Variants in ANKEF1 observed in about 807,000 individuals in gnomAD.
ANKEF1 encodes ankyrin repeat and EF-hand domain-containing protein 1.
Under a neutral mutation model 65.1 loss-of-function variants are expected in ANKEF1, and 43 were observed. The observed-to-expected ratio is 0.66, with a 90% CI of 0.52 to 0.85. The LOEUF is 0.85. Among genes scored for constraint, ANKEF1 ranks in the 40% least tolerant of loss-of-function variants. ANKEF1 has a pLI of 0.00. For synonymous variants in ANKEF1, 316 were observed against 341.5 expected (o/e 0.93, Z 0.82); for missense variants, 934 against 952.9 (o/e 0.98, Z 0.26).
At position 10,056,799 on chromosome 20, in the gene ANKEF1, G is replaced by A. The variant is rs898151408; in HGVS notation, c.*1139G>A. On this transcript the variant is annotated 3_prime_UTR_variant, in exon 11 of 11. Transcript: ENST00000378392. Reference sequence around the variant, plus strand: ...TGAAAATTTCAACTGTTGTTAAAGCGACTGATGGGATCAGTTTCACCTAGA... The same window carrying A: ...TGAAAATTTCAACTGTTGTTAAAGCAACTGATGGGATCAGTTTCACCTAGA... 3.3e-5 allele frequency: 5 copies of A among 152,092 alleles called. No individual in the cohort carries two copies. Among genetic ancestry groups the A allele is most frequent in the Non-Finnish European group, 5.9e-5 (4 of 68,014 alleles). The allele number at this position is 152,092 out of a possible 1,614,324, so 9.4% of individuals were successfully genotyped here.
intron 6 of ANKEF1, among the ~76,000 whole-genome samples, chr20:10,047,596 A>G (rs1185516431): frequency 6.6e-6 from 1 of 152,106 alleles, no homozygotes; most frequent in Non-Finnish European, 1.5e-5. Flanking sequence ...TGCTGGAGCA[A>G]TTGGCAACTC....
Position 10,056,497 on chromosome 20 carries a change from G to GATAGATAGATA in ANKEF1, c.*838_*848dup, listed in dbSNP as rs1985170014. 3.7e-4 allele frequency: 1 copy of GATAGATAGATA among 2,726 alleles called. No individual in the cohort carries two copies. Among genetic ancestry groups the GATAGATAGATA allele is most frequent in the African/African-American group, 1.4e-3 (1 of 700 alleles). The allele number at this position is 2,726 out of a possible 1,614,324, so 0.2% of individuals were successfully genotyped here. A position where few individuals can be genotyped will look rare whatever the true frequency, so the allele number is the denominator to read the frequency against. ...ATAGATGATAGATAGATAGATAGATGATAGATAGATAGATAGATAGATAGA... is the reference window on the plus strand; with the variant it reads ...ATAGATGATAGATAGATAGATAGATGATAGATAGATAATAGATAGATAGATAGATAGATAGA... On this transcript the variant is annotated 3_prime_UTR_variant, in exon 11 of 11. Coordinates refer to ENST00000378392, the MANE Select transcript of ANKEF1 (RefSeq NM_022096.6).
rs1439590386 is a variant in ANKEF1 at position 10,044,561 on chromosome 20, G to C, written c.696+18G>C. On this transcript the variant is annotated intron_variant, in intron 5 of 10. Transcript: ENST00000378392. ...TTTTCGATGTAATAATCTATTCTTTGCTTTAAAATTTGTTGCTAAAACTTT... is the reference window on the plus strand; with the variant it reads ...TTTTCGATGTAATAATCTATTCTTTCCTTTAAAATTTGTTGCTAAAACTTT... 1.2e-6 allele frequency: 2 copies of C among 1,609,020 alleles called. No homozygotes were observed. Among genetic ancestry groups the C allele is most frequent in the African/African-American group, 1.3e-5 (1 of 74,500 alleles).
At chr20:10,039,718 A>T (rs1464547752) in intron 3 of ANKEF1, among the ~76,000 whole-genome samples, 2 of 152,184 alleles carry the variant, frequency 1.3e-5, no homozygotes, top group Non-Finnish European at 2.9e-5. Flanking sequence ...AATTGCCAGG[A>T]TGTTGAGAAG....
chr20:10,045,667 G>A lies in ANKEF1; in HGVS notation c.790G>A (p.Ala264Thr). The change falls in exon 6 of 11, where the codon GCA (alanine) becomes ACA (threonine). Residue 264 changes from alanine to threonine, a missense_variant. Ala to Thr is a moderately conservative substitution (Grantham distance 58). Transcript: ENST00000378392. The part of the protein sequence containing the change: ...PLHYAAMGGF[A>T]DCCKYIAQRG... ...TCATTATGCTGCCATGGGTGGTTTTGCAGACTGCTGTAAATATATAGCTCA... is the reference window on the plus strand; with the variant it reads ...TCATTATGCTGCCATGGGTGGTTTTACAGACTGCTGTAAATATATAGCTCA... 6.2e-7 allele frequency: 1 copy of A among 1,613,692 alleles called. No homozygotes were observed. Among genetic ancestry groups the A allele is most frequent in the Non-Finnish European group, 8.5e-7 (1 of 1,179,754 alleles).
At position 10,054,594 on chromosome 20, in the gene ANKEF1, C is replaced by A. The variant is rs138316568; in HGVS notation, c.2167C>A (p.Arg723=). ...GAAAGTGGATATCACATTTATTCCACGGAGGGTAAGTGCTTCGAAAAGATC... is the reference window on the plus strand; with the variant it reads ...GAAAGTGGATATCACATTTATTCCAAGGAGGGTAAGTGCTTCGAAAAGATC... ...TKKVDITFIP[R]RIWSPEATTA... The change falls in exon 10 of 11, where the codon CGG becomes AGG. Residue 723 remains arginine (R), a synonymous_variant. Transcript: ENST00000378392. 20 of 1,605,634 alleles carry A rather than the reference C, an allele frequency of 1.2e-5. No individual in the cohort carries two copies. In the African/African-American group the frequency reaches 2.7e-4, roughly 22 times the overall value.
At position 10,055,517 on chromosome 20, in the gene ANKEF1, G is replaced by A; in HGVS notation, c.2188G>A (p.Ala730Thr). Reference protein sequence around the residue: ...FIPRRIWSPEATTAELIRKRE... With the variant: ...FIPRRIWSPETTTAELIRKRE... ...TCTTTTTAAGATTTGGAGTCCTGAA[G>A]CCACAACAGCAGAGCTGATCAGGAA... is the stretch of plus-strand genomic sequence containing the variant. Residue 730 changes from alanine to threonine, a missense_variant, in exon 11 of 11, where the codon GCC becomes ACC. Ala to Thr is a moderately conservative substitution (Grantham distance 58). Transcript: ENST00000378392. 1 of 1,613,604 alleles carries A rather than the reference G, an allele frequency of 6.2e-7. No homozygotes were observed. The highest frequency in any genetic ancestry group is 1.1e-5 in the South Asian group (1 of 91,052).
In ANKEF1 at chr20:10,055,776, G is replaced by T. The variant is rs183814726; in HGVS notation, c.*116G>T. The T allele has an allele frequency of 2.1e-4, 224 of 1,061,592 alleles. No homozygotes were observed. Among genetic ancestry groups the T allele is most frequent in the Non-Finnish European group, 2.7e-4 (199 of 728,846 alleles). 65.8% of individuals were successfully genotyped at this position (1,061,592 alleles called of 1,614,324 possible). On this transcript the variant is annotated 3_prime_UTR_variant, in exon 11 of 11. Transcript: ENST00000378392. Reference sequence around the variant, plus strand: ...CCATACACCAAGAACTTGTTACCAAGAATTTCTTTTTGCTTTAACAACTAT... The same window carrying T: ...CCATACACCAAGAACTTGTTACCAATAATTTCTTTTTGCTTTAACAACTAT...
At chr20:10,043,473 A>G in intron 4 of ANKEF1, 152 bp downstream of exon 4, 3 of 712,768 alleles carry the variant, frequency 4.2e-6, no homozygotes, top group Non-Finnish European at 4.6e-6. Flanking sequence ...TATTATCTTC[A>G]TATTGCTGTG....
intron 3 of ANKEF1, 64 bp downstream of exon 3, chr20:10,038,711 T>A (rs1432876478): frequency 7.8e-7 from 1 of 1,288,436 alleles, no homozygotes; most frequent in Non-Finnish European, 1.1e-6. Context: ...AGCAATAACA[T>A]GGACTCTTTT....
At chr20:10,046,619 A>C (rs1469659201) in intron 6 of ANKEF1, among the ~76,000 whole-genome samples, 1 of 152,116 alleles carries the variant, frequency 6.6e-6, no homozygotes, top group Non-Finnish European at 1.5e-5. Context: ...ATTTTTTGTT[A>C]ATTACATGCT....
At chr20:10,044,606 T>G in intron 5 of ANKEF1, 63 bp downstream of exon 5, 8 of 1,585,560 alleles carry the variant, frequency 5.0e-6, no homozygotes, top group Non-Finnish European at 6.9e-6. Flanking sequence ...TTTCTCAAAT[T>G]TTTTTATATG....
rs570912279 is a variant in ANKEF1, at chr20:10,056,005, A to G, written c.*345A>G. 1.7e-5 allele frequency: 3 copies of G among 181,650 alleles called. No homozygotes were observed. In the South Asian group the frequency reaches 3.6e-4, roughly 22 times the overall value. The allele number at this position is 181,650 out of a possible 1,614,324, so 11.3% of individuals were successfully genotyped here. Reference sequence around the variant, plus strand: ...TATCCTTTTTATTTATTAAATAGAGACAGAGTCTCACTATATTGCCCCAGC... The same window carrying G: ...TATCCTTTTTATTTATTAAATAGAGGCAGAGTCTCACTATATTGCCCCAGC... On this transcript the variant is annotated 3_prime_UTR_variant, in exon 11 of 11. Transcript: ENST00000378392.
rs374135080 is a variant in ANKEF1 at position 10,043,652 on chromosome 20, CTTTTTTTTTTTTTT to C, written c.546+341_546+354del. On this transcript the variant is annotated intron_variant, in intron 4 of 10. Coordinates refer to ENST00000378392, the MANE Select transcript of ANKEF1 (RefSeq NM_022096.6). ...TGCTGTTTCTTTTCTTTTTCTTTTC[CTTTTTTTTTTTTTT>C]TTTTTTTTTGGAGACAGCGTCTCAC... 3.2e-3 allele frequency among the ~76,000 whole-genome samples: 258 copies of C among 81,406 alleles called. 1 individual carries two copies. The highest frequency in any genetic ancestry group is 4.2e-3 in the Non-Finnish European group (188 of 44,734). 53.4% of individuals were successfully genotyped at this position (81,406 alleles called of 152,430 possible).
chr20:10,039,132 C>T (rs929281935), intron 3 of ANKEF1, among the ~76,000 whole-genome samples: 1 of 152,178 alleles, frequency 6.6e-6, no homozygotes, highest in African/African-American at 2.4e-5. Flanking sequence ...CTGGCATAAA[C>T]TCCAACTTTC....
At chr20:10,040,566 T>G (rs1984125135) in intron 3 of ANKEF1, 1 of 152,228 alleles carries the variant, frequency 6.6e-6, no homozygotes, top group Non-Finnish European at 1.5e-5. Context: ...CCTTAAAAGT[T>G]AAGCTATAAT....
rs778933391 is a variant in ANKEF1 at position 10,049,469 on chromosome 20, C to G, written c.900C>G (p.Ser300Arg). 72 of 1,613,988 alleles carry G rather than the reference C, an allele frequency of 4.5e-5. No homozygotes were observed. Among genetic ancestry groups the G allele is most frequent in the Non-Finnish European group, 6.0e-5 (71 of 1,180,000 alleles). Residue 300 changes from serine to arginine, a missense_variant, in exon 7 of 11, where the codon AGC (serine) becomes AGG (arginine). Transcript: ENST00000378392. ...VAKEGGFKAA[S>R]KEIRRAERIA... ...AGGAAGGCGGCTTCAAAGCAGCAAG[C>G]AAAGAAATACGCCGAGCAGAGAGAA...
Position 10,038,257 on chromosome 20 carries a change from G to T in ANKEF1, c.-44-1G>T. 7.8e-7 allele frequency: 1 copy of T among 1,285,358 alleles called. No individual in the cohort carries two copies. The highest frequency in any genetic ancestry group is 1.0e-6 in the Non-Finnish European group (1 of 968,612). The allele number at this position is 1,285,358 out of a possible 1,614,324, so 79.6% of individuals were successfully genotyped here. On this transcript the variant is annotated splice_acceptor_variant, in intron 2 of 10. Transcript: ENST00000378392. LOFTEE classifies it low-confidence loss of function (5UTR_SPLICE). ...GTTATTTTTCTTTTTTGTTGCTTCAGCTTTAGTTTTGGTCCAGAAAGCATT... is the reference window on the plus strand; with the variant it reads ...GTTATTTTTCTTTTTTGTTGCTTCATCTTTAGTTTTGGTCCAGAAAGCATT...
chr20:10,052,545 A>T (rs1478092527), intron 8 of ANKEF1, among the ~76,000 whole-genome samples: 1 of 152,216 alleles, frequency 6.6e-6, no homozygotes, highest in Non-Finnish European at 1.5e-5. Context: ...ATTTTCCTAC[A>T]TTGGAAGCCA....
Sources: gnomAD v4.1 joint callset for allele counts (sites outside exome capture counted in the v4.1 genomes callset) on GRCh38, gnomAD v4.1.1 for gene constraint, MANE v1.5 for transcripts, NCBI Gene and HGNC (gene_info 2026-07-23, HGNC 2026-07-21) for gene names.